CMPK2: variants seen among roughly 807,000 people sequenced by gnomAD.
CMPK2 encodes cytidine/uridine monophosphate kinase 2.
CMPK2 carries 32 observed loss-of-function variants against 33.4 expected under a neutral mutation model. That is an observed-to-expected ratio of 0.96 (90% CI 0.72 to 1.29). CMPK2 has a LOEUF of 1.29. CMPK2 is among the 50% of genes most tolerant of loss of function. The pLI is 0.00. For synonymous variants in CMPK2, 299 were observed against 275.3 expected, an observed-to-expected ratio of 1.09 and a Z score of -0.85; for missense variants, 672 against 616.0, an observed-to-expected ratio of 1.09 and a Z score of -0.96.
rs1359209936 is a variant in CMPK2 at position 6,865,810 on chromosome 2, G to A, written c.-114C>T. On this transcript the variant is annotated 5_prime_UTR_variant, in exon 1 of 5. Coordinates refer to ENST00000256722, the MANE Select transcript of CMPK2 (RefSeq NM_207315.4). ...AGCCAGGCGCCAGCGGGAAACGAAA[G>A]CGAAGCGTTGCGGGGAAACGAAAGC... 1.6e-6 allele frequency: 2 copies of A among 1,263,844 alleles called. No individual in the cohort carries two copies. The highest frequency in any genetic ancestry group is 6.9e-5 in the East Asian group (2 of 28,996). The allele number at this position is 1,263,844 out of a possible 1,614,324, so 78.3% of individuals were successfully genotyped here.
chr2:6,851,328 T>C, intron 4 of CMPK2, 122 bp downstream of exon 4: 1 of 1,511,406 alleles, frequency 6.6e-7, no homozygotes, highest in Non-Finnish European at 8.9e-7. Flanking sequence ...TAGAGGATGT[T>C]GTCTCTTGTG....
chr2:6,843,240 A>C (rs1662274981), intron 3 of CMPK2, among the ~76,000 whole-genome samples: 1 of 152,200 alleles, frequency 6.6e-6, no homozygotes, highest in South Asian at 2.1e-4. Flanking sequence ...TAGGTCCCAC[A>C]CTGTGAACCA....
intron 2 of CMPK2, chr2:6,862,152 T>C (rs1662900359): frequency 2.0e-5 from 3 of 152,256 alleles, no homozygotes; most frequent in African/African-American, 4.8e-5. Context: ...CTTAACACTT[T>C]ATTGCCAACT....
intron 2 of CMPK2, 22 bp downstream of exon 2, chr2:6,863,442 C>G (rs771017102): frequency 1.3e-6 from 2 of 1,589,964 alleles, no homozygotes; most frequent in Non-Finnish European, 8.6e-7. Flanking sequence ...TTGCCTATAA[C>G]TAAAAGGTAA....
At chr2:6,844,420 T>C (rs1428530909), downstream of CMPK2, among the ~76,000 whole-genome samples, 2 of 152,228 alleles carry the variant, frequency 1.3e-5, no homozygotes, top group African/African-American at 2.4e-5. Context: ...TAGGGAGATA[T>C]GTTTCACTAA....
At chr2:6,843,415 G>T (rs1662279280), downstream of CMPK2, among the ~76,000 whole-genome samples, 1 of 152,134 alleles carries the variant, frequency 6.6e-6, no homozygotes, top group Non-Finnish European at 1.5e-5. Context: ...TTGTTGCAAG[G>T]TCCAAGAAGG....
chr2:6,842,827 G>A (rs1662265651), intron 3 of CMPK2, among the ~76,000 whole-genome samples: 1 of 152,138 alleles, frequency 6.6e-6, no homozygotes, highest in South Asian at 2.1e-4. Flanking sequence ...TTTTGGGAAG[G>A]GGGAAGGAGG....
chr2:6,857,844 C>A (rs1406568762), intron 3 of CMPK2, among the ~76,000 whole-genome samples: 1 of 151,396 alleles, frequency 6.6e-6, no homozygotes, highest in East Asian at 2.0e-4. Flanking sequence ...ACCGTGTTAG[C>A]CAGGATGGTC....
Position 6,865,433 on chromosome 2 carries a change from C to A in CMPK2, c.264G>T (p.Arg88=). 1.6e-6 allele frequency: 2 copies of A among 1,287,690 alleles called. No homozygotes were observed. Among genetic ancestry groups the A allele is most frequent in the Non-Finnish European group, 2.0e-6 (2 of 1,023,200 alleles). 79.8% of individuals were successfully genotyped at this position (1,287,690 alleles called of 1,614,324 possible). The change falls in exon 1 of 5, where the codon CGG becomes CGT. Residue 88 remains arginine, a synonymous_variant. Coordinates refer to ENST00000256722, the MANE Select transcript of CMPK2 (RefSeq NM_207315.4). Reference sequence around the variant, plus strand: ...GCTGGTGCAGCCGCGCCGCCCGGACCCGGGCCCCGCAGCCGGCGTCCGGGG... The same window carrying A: ...GCTGGTGCAGCCGCGCCGCCCGGACACGGGCCCCGCAGCCGGCGTCCGGGG... ...PVTPDAGCGA[R]VRAARLHQRL... is the part of the protein sequence containing the mutation.
chr2:6,856,621 A>G (rs1662710147), intron 3 of CMPK2, among the ~76,000 whole-genome samples: 2 of 152,362 alleles, frequency 1.3e-5, no homozygotes, highest in Non-Finnish European at 2.9e-5. Flanking sequence ...AAATAATCCA[A>G]TCACAATCAA....
chr2:6,851,948 CCT>C (rs1358119236), intron 3 of CMPK2, among the ~76,000 whole-genome samples: 1 of 152,188 alleles, frequency 6.6e-6, no homozygotes, highest in Non-Finnish European at 1.5e-5. Context: ...TGTGGCCTCC[CCT>C]CTGTCATCAC....
Position 6,865,139 on chromosome 2 carries a change from C to T in CMPK2, c.558G>A (p.Gln186=), listed in dbSNP as rs1233511261. Residue 186 remains glutamine, a synonymous_variant, in exon 1 of 5, where the codon CAG becomes CAA. Coordinates refer to ENST00000256722, the MANE Select transcript of CMPK2 (RefSeq NM_207315.4). Reference sequence around the variant, plus strand: ...CGGGCACGACCTGTGCGCAGCCCACCTGCAGCCGCCTGCCGTCTTGCACCT... The same window carrying T: ...CGGGCACGACCTGTGCGCAGCCCACTTGCAGCCGCCTGCCGTCTTGCACCT... ...LWEVQDGRRL[Q]VGCAQVVPVP... is the part of the protein sequence containing the mutation. The T allele has an allele frequency of 1.3e-6, 2 of 1,525,560 alleles. No individual in the cohort carries two copies. Among genetic ancestry groups the T allele is most frequent in the African/African-American group, 2.9e-5 (2 of 69,748 alleles). The allele number at this position is 1,525,560 out of a possible 1,614,324, so 94.5% of individuals were successfully genotyped here.
In CMPK2 at chr2:6,863,605, A is replaced by G. The variant is rs1440082380; in HGVS notation, c.676-27T>C. 5 of 1,568,360 alleles carry G rather than the reference A, an allele frequency of 3.2e-6. No homozygotes were observed. The Admixed American group carries it at 5.2e-5, about 16-fold the overall frequency. On this transcript the variant is annotated intron_variant, in intron 1 of 4. Transcript: ENST00000256722. Reference sequence around the variant, plus strand: ...TGTAAAACAACGTCTATCCATCAGCAATGAAGCCAGGGGGCTTTTGCAGAA... The same window carrying G: ...TGTAAAACAACGTCTATCCATCAGCGATGAAGCCAGGGGGCTTTTGCAGAA...
At chr2:6,848,072 C>A (rs534933032), downstream of CMPK2, among the ~76,000 whole-genome samples, 57 of 152,170 alleles carry the variant, frequency 3.7e-4, no homozygotes, top group Non-Finnish European at 6.2e-4. Context: ...TATAAAAAGT[C>A]CAGGTGTAAA....
Position 6,865,007 on chromosome 2 carries a change from G to C in CMPK2, c.675+15C>G. On this transcript the variant is annotated intron_variant, in intron 1 of 4. Transcript: ENST00000256722. The stretch of plus-strand genomic sequence containing the variant: ...AGATGCCACGCTGGGAGCTGGAAGC[G>C]GACAGAACTCTTACCTCCTCCAAAA... 2 of 1,407,722 alleles carry C rather than the reference G, an allele frequency of 1.4e-6. No individual in the cohort carries two copies. Among genetic ancestry groups the C allele is most frequent in the South Asian group, 1.6e-5 (1 of 62,978 alleles). The allele number at this position is 1,407,722 out of a possible 1,614,324, so 87.2% of individuals were successfully genotyped here.
Position 6,849,151 on chromosome 2 carries a change from GAGA to G in CMPK2, c.*696_*698del. The G allele has an allele frequency of 1.0e-6, 1 of 984,668 alleles. No homozygotes were observed. Among genetic ancestry groups the G allele is most frequent in the Non-Finnish European group, 1.2e-6 (1 of 829,232 alleles). 61.0% of individuals were successfully genotyped at this position (984,668 alleles called of 1,614,324 possible). A position where few individuals can be genotyped will look rare whatever the true frequency, so the allele number is the denominator to read the frequency against. On this transcript the variant is annotated 3_prime_UTR_variant, in exon 5 of 5. Transcript: ENST00000256722. ...ATATAAATAAGCAAAATATAATTCA[GAGA>G]AGGTTGGTATATTTGCAGTTGGAGC...
At chr2:6,863,902 C>T (rs1392191052) in intron 1 of CMPK2, among the ~76,000 whole-genome samples, 7 of 152,212 alleles carry the variant, frequency 4.6e-5, no homozygotes, top group Non-Finnish European at 8.8e-5. Context: ...ACTACAGGCC[C>T]GCTGGGAACA....
In CMPK2 at chr2:6,865,833, A is replaced by G. The variant is rs944690497; in HGVS notation, c.-137T>C. On this transcript the variant is annotated 5_prime_UTR_variant, in exon 1 of 5. Coordinates refer to ENST00000256722, the MANE Select transcript of CMPK2 (RefSeq NM_207315.4). ...AAGCGAAGCGTTGCGGGGAAACGAA[A>G]GCCGGAGGCCCAGGCGGGGCAGGAG... is the stretch of plus-strand genomic sequence containing the variant. The G allele has an allele frequency of 2.4e-6, 3 of 1,274,454 alleles. No individual in the cohort carries two copies. The highest frequency in any genetic ancestry group is 3.0e-6 in the Non-Finnish European group (3 of 1,009,422). 78.9% of individuals were successfully genotyped at this position (1,274,454 alleles called of 1,614,324 possible).
At chr2:6,850,857 G>A (rs1377929236) in intron 4 of CMPK2, 39 of 989,784 alleles carry the variant, frequency 3.9e-5, no homozygotes, top group Non-Finnish European at 4.2e-5. Context: ...TGAGGCAGGA[G>A]GCCTGGCCAG....
Sources: allele counts gnomAD v4.1 joint callset (sites outside exome capture counted in the v4.1 genomes callset), GRCh38; gene constraint gnomAD v4.1.1; transcripts MANE v1.5; gene names NCBI Gene and HGNC (gene_info 2026-07-23, HGNC 2026-07-21).